The following CCDC170 variants were observed in gnomAD, a reference collection of about 807,000 sequenced individuals.
The protein encoded by CCDC170 is coiled-coil domain containing 170.
In CCDC170, 69 loss-of-function variants were observed where a neutral mutation model predicts 72.6. The observed-to-expected ratio is 0.95, with a 90% CI of 0.78 to 1.16. The LOEUF (loss-of-function observed/expected upper bound fraction) is 1.16. Among genes scored for constraint, CCDC170 ranks in the 50% most tolerant of loss-of-function variants. The pLI, the probability that CCDC170 is intolerant of heterozygous loss-of-function variation, is 0.00. For synonymous variants in CCDC170, 300 were observed against 303.9 expected, an observed-to-expected ratio of 0.99 and a Z score of 0.13; for missense variants, 852 against 832.5, an observed-to-expected ratio of 1.02 and a Z score of -0.29.
chr6:151,520,402 T>C (rs1005453170), intron 1 of CCDC170, among the ~76,000 whole-genome samples: 9 of 152,162 alleles, frequency 5.9e-5, no homozygotes, highest in Admixed American at 6.5e-5. Flanking sequence ...GTGAAAGAGA[T>C]CTAATCTAAC....
chr6:151,595,493 A>T (rs1416719675), intron 8 of CCDC170, among the ~76,000 whole-genome samples: 1 of 152,152 alleles, frequency 6.6e-6, no homozygotes, highest in African/African-American at 2.4e-5. Flanking sequence ...TTACTTAAAA[A>T]TCTCCTTGGT....
Position 151,573,396 on chromosome 6 carries a change from CTCCT to C in CCDC170, c.999_1002del (p.Leu334GlyfsTer4). ...CTCATTTAGGGAGAAAATCGCAGCC[CTCCT>C]TAGGGGCAGATTGAGCATGACTGGG... On this transcript the variant is annotated frameshift_variant, in exon 6 of 11. Coordinates refer to ENST00000239374, the MANE Select transcript of CCDC170 (RefSeq NM_025059.4). LOFTEE classifies it high-confidence loss of function. 6.2e-7 allele frequency: 1 copy of C among 1,614,144 alleles called. No individual in the cohort carries two copies. The highest frequency in any genetic ancestry group is 8.5e-7 in the Non-Finnish European group (1 of 1,180,026).
In CCDC170 at chr6:151,494,055, C is replaced by T; in HGVS notation, c.-74C>T. The T allele has an allele frequency of 7.2e-7, 1 of 1,383,770 alleles. No individual in the cohort carries two copies. The highest frequency in any genetic ancestry group is 2.6e-4 in the Middle Eastern group (1 of 3,916). The allele number at this position is 1,383,770 out of a possible 1,614,324, so 85.7% of individuals were successfully genotyped here. On this transcript the variant is annotated 5_prime_UTR_variant, in exon 1 of 11. Transcript: ENST00000239374. ...GTTGCCCGAGGAGACACCCGCGCCA[C>T]CCGCCGGCTCCCGGCGCCGCCGCTT...
At chr6:151,514,104 C>T (rs896468925) in intron 1 of CCDC170, among the ~76,000 whole-genome samples, 7 of 151,282 alleles carry the variant, frequency 4.6e-5, no homozygotes, top group Non-Finnish European at 1.0e-4. Flanking sequence ...GAAATTTTGA[C>T]CAGCCTGGAC....
intron 9 of CCDC170, among the ~76,000 whole-genome samples, chr6:151,598,200 C>T (rs140282600): frequency 4.8e-4 from 73 of 152,250 alleles, no homozygotes; most frequent in African/African-American, 1.6e-3. Flanking sequence ...GGTAAATCCC[C>T]TCAACAGTCC....
intron 1 of CCDC170, among the ~76,000 whole-genome samples, chr6:151,504,486 A>C (rs1782039234): frequency 6.6e-6 from 1 of 152,198 alleles, no homozygotes; most frequent in African/African-American, 2.4e-5. Context: ...TTTTACCAAT[A>C]AAAAATAATT....
intron 5 of CCDC170, among the ~76,000 whole-genome samples, chr6:151,561,971 G>A (rs563344138): frequency 2.0e-5 from 3 of 152,188 alleles, no homozygotes; most frequent in Admixed American, 6.5e-5. Flanking sequence ...AAGACTGGTT[G>A]TCAAGATCTA....
chr6:151,548,629 G>A (rs1484408533), intron 5 of CCDC170, 140 bp downstream of exon 5: 1 of 657,780 alleles, frequency 1.5e-6, no homozygotes, highest in African/African-American at 1.8e-5. Context: ...CCTGCACTCA[G>A]CAGGAGGGTT....
At chr6:151,497,816 A>C (rs78639126) in intron 1 of CCDC170, among the ~76,000 whole-genome samples, 1,837 of 152,044 alleles carry the variant, frequency 0.012, 26 homozygotes, top group African/African-American at 0.042. Context: ...TCTGTACTAA[A>C]AATACAAAAA....
chr6:151,537,998 T>C, intron 2 of CCDC170, 47 bp from the exon 3 acceptor site: 1 of 1,540,256 alleles, frequency 6.5e-7, no homozygotes, highest in African/African-American at 1.4e-5. Flanking sequence ...TAATTCAAAC[T>C]TATGTTGTTA....
At chr6:151,556,434 G>T (rs9397429) in intron 5 of CCDC170, among the ~76,000 whole-genome samples, 2 of 152,140 alleles carry the variant, frequency 1.3e-5, no homozygotes, top group Admixed American at 6.5e-5. Context: ...TAGCCTGGGC[G>T]ACAAAGCGAG....
In CCDC170 at chr6:151,518,648, G is replaced by T. The variant is rs192708721; in HGVS notation, c.58-17670G>T. ...TAAACAAGGGGTATATGTATCAGGG[G>T]AACCAGCCCCCAATATTTCAACGTA... is the stretch of plus-strand genomic sequence containing the variant. On this transcript the variant is annotated intron_variant, in intron 1 of 10. Coordinates refer to ENST00000239374, the MANE Select transcript of CCDC170 (RefSeq NM_025059.4). 4.6e-5 allele frequency among the ~76,000 whole-genome samples: 7 copies of T among 152,294 alleles called. No homozygotes were observed. In the East Asian group the frequency reaches 1.2e-3, roughly 25 times the overall value.
At chr6:151,543,099 A>G (rs1236921411) in intron 3 of CCDC170, among the ~76,000 whole-genome samples, 1 of 152,036 alleles carries the variant, frequency 6.6e-6, no homozygotes, top group Non-Finnish European at 1.5e-5. Context: ...TATTTAAAAA[A>G]TGACACTAAA....
intron 1 of CCDC170, among the ~76,000 whole-genome samples, chr6:151,534,944 T>A (rs756257220): frequency 1.3e-5 from 2 of 152,202 alleles, no homozygotes; most frequent in Non-Finnish European, 2.9e-5. Context: ...AATGAATGGC[T>A]TTCTTCTGTG....
chr6:151,573,167 A>C lies in CCDC170; in HGVS notation c.775-7A>C, dbSNP rs184423245. 1.1e-4 allele frequency: 173 copies of C among 1,597,976 alleles called. 1 individual carries two copies. In the African/African-American group the frequency reaches 2.0e-3, roughly 19 times the overall value. ...GGTATTGTCTTCACTTTCTGTAATC[A>C]TTTTAGGACCTGCTCAGTGCTGTAG... On this transcript the variant is annotated splice_region_variant and splice_polypyrimidine_tract_variant and intron_variant, in intron 5 of 10. Coordinates refer to ENST00000239374, the MANE Select transcript of CCDC170 (RefSeq NM_025059.4).
At chr6:151,511,449 A>G (rs1168848695) in intron 1 of CCDC170, among the ~76,000 whole-genome samples, 1 of 152,194 alleles carries the variant, frequency 6.6e-6, no homozygotes, top group African/African-American at 2.4e-5. Flanking sequence ...TTATCCATCC[A>G]TTAATTTATT....
In CCDC170 at chr6:151,573,731, G is replaced by GC. The variant is rs1348381394; in HGVS notation, c.1092+240_1092+241insC. ...ATCTTACGTGGTGGCAGGCAAGAGAGAGAGTGTGCAGGGGAACTGCCCTTT... is the reference window on the plus strand; with the variant it reads ...ATCTTACGTGGTGGCAGGCAAGAGAGCAGAGTGTGCAGGGGAACTGCCCTTT... On this transcript the variant is annotated intron_variant, in intron 6 of 10. Transcript: ENST00000239374. Among the ~76,000 whole-genome samples the GC allele has an allele frequency of 3.0e-4, 45 of 152,358 alleles. No individual in the cohort carries two copies. The East Asian group carries it at 4.8e-3, about 16-fold the overall frequency.
At chr6:151,582,986 C>CTT (rs35947074) in intron 6 of CCDC170, among the ~76,000 whole-genome samples, 2,480 of 94,114 alleles carry the variant, frequency 0.026, 152 homozygotes, top group African/African-American at 0.066. Flanking sequence ...TGGAGTAGCA[C>CTT]TTTTTTTTTT....
intron 7 of CCDC170, among the ~76,000 whole-genome samples, chr6:151,591,545 A>G (rs1776534847): frequency 6.6e-6 from 1 of 151,642 alleles, no homozygotes; most frequent in Admixed American, 6.6e-5. Context: ...CCCAGGCTGG[A>G]GTGCGGTGGT....
Sources: gnomAD v4.1 joint callset for allele counts (sites outside exome capture counted in the v4.1 genomes callset) on GRCh38, gnomAD v4.1.1 for gene constraint, MANE v1.5 for transcripts, NCBI Gene and HGNC (gene_info 2026-07-23, HGNC 2026-07-21) for gene names.